ANTXR2: variants seen among roughly 807,000 people sequenced by gnomAD.
The protein encoded by ANTXR2 is ANTXR cell adhesion molecule 2.
ANTXR2 carries 44 observed loss-of-function variants against 73.7 expected under a neutral mutation model. The observed-to-expected ratio is 0.60, with a 90% CI of 0.47 to 0.77. ANTXR2 has a LOEUF of 0.77. Among genes scored for constraint, ANTXR2 ranks in the 30% least tolerant of loss-of-function variants. The pLI is 0.00. For missense variants in ANTXR2, 604 were observed against 592.5 expected (o/e 1.02, Z -0.20); for synonymous variants, 217 against 205.9 (o/e 1.05, Z -0.46).
chr4:80,031,546 G>A, intron 10 of ANTXR2, 77 bp downstream of exon 10: 1 of 1,109,812 alleles, frequency 9.0e-7, no homozygotes, highest in Non-Finnish European at 1.2e-6. Flanking sequence ...AGAATAAAAT[G>A]ACCAATGTAT....
intron 11 of ANTXR2, among the ~76,000 whole-genome samples, chr4:80,015,372 C>T (rs1488337588): frequency 6.6e-6 from 1 of 152,150 alleles, no homozygotes. Flanking sequence ...TTCATTAATA[C>T]AATTTATATG....
rs1037333876 is a variant in ANTXR2 at position 80,069,516 on chromosome 4, T to C, written c.225-9A>G. The C allele has an allele frequency of 6.3e-7, 1 of 1,581,786 alleles. No homozygotes were observed. Among genetic ancestry groups the C allele is most frequent in the Non-Finnish European group, 8.6e-7 (1 of 1,158,078 alleles). ...ATAATCTCATTTCAGGGCTGCAAAA[T>C]AAGAAAAGAGGCAGTTAAAACATTT... On this transcript the variant is annotated splice_polypyrimidine_tract_variant and intron_variant, in intron 2 of 16. Transcript: ENST00000403729.
intron 16 of ANTXR2, among the ~76,000 whole-genome samples, chr4:79,923,828 C>T (rs1360289456): frequency 6.6e-6 from 1 of 152,096 alleles, no homozygotes; most frequent in Non-Finnish European, 1.5e-5. Context: ...TTTCTTCACA[C>T]AAGTGGCAGA....
chr4:80,008,894 G>A (rs1296388987), intron 11 of ANTXR2, among the ~76,000 whole-genome samples: 1 of 152,042 alleles, frequency 6.6e-6, no homozygotes, highest in African/African-American at 2.4e-5. Flanking sequence ...AGGAATTTAG[G>A]AAAAATCACT....
intron 15 of ANTXR2, 41 bp downstream of exon 15, chr4:79,977,966 C>T (rs781124577): frequency 1.2e-5 from 19 of 1,538,850 alleles, no homozygotes; most frequent in Non-Finnish European, 1.4e-5. Flanking sequence ...ACAATGTCTC[C>T]AGAAGTTTTG....
intron 11 of ANTXR2, among the ~76,000 whole-genome samples, chr4:80,015,408 CCAT>C (rs1382088388): frequency 6.6e-6 from 1 of 152,136 alleles, no homozygotes; most frequent in Non-Finnish European, 1.5e-5. Flanking sequence ...ATTTCTACCA[CCAT>C]CAGTCAATTT....
chr4:80,052,208 A>G (rs1578187108), intron 7 of ANTXR2, among the ~76,000 whole-genome samples: 1 of 151,690 alleles, frequency 6.6e-6, no homozygotes, highest in East Asian at 1.9e-4. Context: ...AGAATAGAGT[A>G]TAGTCTCTTC....
chr4:80,044,707 T>C (rs536963485), intron 7 of ANTXR2, among the ~76,000 whole-genome samples: 6 of 151,886 alleles, frequency 4.0e-5, no homozygotes, highest in Non-Finnish European at 8.8e-5. Flanking sequence ...ATTTTTTTTC[T>C]AATTTCTAAG....
chr4:79,929,925 G>A (rs926053650), intron 16 of ANTXR2, among the ~76,000 whole-genome samples: 1 of 152,036 alleles, frequency 6.6e-6, no homozygotes, highest in Admixed American at 6.6e-5. Context: ...TATAAGCTCT[G>A]GAACCATTTA....
chr4:79,988,247 A>G (rs1434148758), intron 12 of ANTXR2, among the ~76,000 whole-genome samples: 1 of 104,650 alleles, frequency 9.6e-6, no homozygotes, highest in East Asian at 1.8e-3. Flanking sequence ...ATATATATAT[A>G]TATATATATA....
chr4:79,984,483 A>C (rs1730022874), intron 13 of ANTXR2, among the ~76,000 whole-genome samples: 1 of 152,162 alleles, frequency 6.6e-6, no homozygotes, highest in South Asian at 2.1e-4. Flanking sequence ...ATTTTGAAGA[A>C]AGTAATAGGA....
chr4:79,987,685 C>A (rs183798014), intron 12 of ANTXR2, among the ~76,000 whole-genome samples: 1 of 151,966 alleles, frequency 6.6e-6, no homozygotes, highest in Non-Finnish European at 1.5e-5. Flanking sequence ...CCAAAGTCAA[C>A]GCAAAGGAAA....
intron 11 of ANTXR2, among the ~76,000 whole-genome samples, chr4:80,009,514 T>C (rs1685823626): frequency 6.6e-6 from 1 of 152,172 alleles, no homozygotes; most frequent in Non-Finnish European, 1.5e-5. Context: ...GGGTTACATC[T>C]AGCCTACTTA....
chr4:80,033,450 AC>A (rs1326654661), intron 9 of ANTXR2, 21 bp downstream of exon 9: 8 of 1,563,282 alleles, frequency 5.1e-6, no homozygotes, highest in South Asian at 3.6e-5. Flanking sequence ...TTAAGACAAC[AC>A]TGAGATTACT....
chr4:80,025,223 A>G (rs1339237534), intron 10 of ANTXR2, among the ~76,000 whole-genome samples: 3 of 152,208 alleles, frequency 2.0e-5, no homozygotes, highest in Non-Finnish European at 4.4e-5. Context: ...AATTTAGTAA[A>G]TAAAACTCAC....
At chr4:80,025,635 C>T (rs1480236802) in intron 10 of ANTXR2, among the ~76,000 whole-genome samples, 2 of 152,038 alleles carry the variant, frequency 1.3e-5, no homozygotes, top group African/African-American at 2.4e-5. Context: ...TTCTGCAGTG[C>T]TTTTTAAAAG....
chr4:80,006,371 C>T (rs1731299632), intron 12 of ANTXR2, among the ~76,000 whole-genome samples: 1 of 151,670 alleles, frequency 6.6e-6, no homozygotes, highest in Non-Finnish European at 1.5e-5. Context: ...CTCCTTTCTT[C>T]CTGCTTTAAA....
chr4:80,061,924 G>A (rs928968465), intron 3 of ANTXR2, among the ~76,000 whole-genome samples: 1 of 152,018 alleles, frequency 6.6e-6, no homozygotes. Context: ...ACTGCTTAAC[G>A]GATGAACCTC....
intron 3 of ANTXR2, among the ~76,000 whole-genome samples, chr4:80,060,175 T>C (rs1734179956): frequency 6.6e-6 from 1 of 152,156 alleles, no homozygotes; most frequent in Non-Finnish European, 1.5e-5. Context: ...CAGGGGTCAC[T>C]CACATAAAGC....
Sources: gnomAD v4.1 joint callset for allele counts (sites outside exome capture counted in the v4.1 genomes callset) on GRCh38, gnomAD v4.1.1 for gene constraint, MANE v1.5 for transcripts, NCBI Gene and HGNC (gene_info 2026-07-23, HGNC 2026-07-21) for gene names.